PHIP: variants seen among roughly 807,000 people sequenced by gnomAD.
PHIP encodes the protein PH-interacting protein.
In PHIP, 54 loss-of-function variants were observed where a neutral mutation model predicts 236.8. That is an observed-to-expected ratio of 0.23 (90% CI 0.18 to 0.29). The LOEUF is 0.29. Ranked by LOEUF, PHIP falls within the 10% of genes least tolerant of loss-of-function variation. PHIP has a pLI of 1.00. For missense variants in PHIP, 1,370 were observed against 2,190.8 expected (o/e 0.63, Z 7.48); for synonymous variants, 756 against 718.9 (o/e 1.05, Z -0.83).
chr6:78,950,759 C>G lies in PHIP; in HGVS notation c.4054-2984G>C, dbSNP rs552645781. ...TAAGCTGTGTAAATCTTAACAGAGG[C>G]TTGTCAATTCTGTTGATCTTCTCAA... On this transcript the variant is annotated intron_variant, in intron 35 of 39. Transcript: ENST00000275034. Among the ~76,000 whole-genome samples the G allele has an allele frequency of 2.6e-5, 4 of 152,162 alleles. No individual in the cohort carries two copies. In the East Asian group the frequency reaches 7.7e-4, roughly 29 times the overall value.
intron 16 of PHIP, among the ~76,000 whole-genome samples, chr6:79,002,773 T>C (rs1342812324): frequency 6.6e-6 from 1 of 152,076 alleles, no homozygotes; most frequent in Non-Finnish European, 1.5e-5. Flanking sequence ...TCATAAATCA[T>C]TCAACAGTAT....
intron 3 of PHIP, 54 bp from the exon 4 acceptor site, chr6:79,077,561 C>A (rs1774237767): frequency 1.9e-6 from 2 of 1,063,568 alleles, no homozygotes; most frequent in Non-Finnish European, 2.4e-6. Flanking sequence ...CCCGCCCGCT[C>A]CCCTCCCCCG....
intron 4 of PHIP, among the ~76,000 whole-genome samples, chr6:79,069,529 C>T (rs2127779011): frequency 6.6e-6 from 1 of 152,196 alleles, no homozygotes; most frequent in South Asian, 2.1e-4. Context: ...AGCAGTTTGT[C>T]TGAGGGCACA....
chr6:79,022,528 C>G (rs1771170141), intron 9 of PHIP, among the ~76,000 whole-genome samples: 1 of 152,126 alleles, frequency 6.6e-6, no homozygotes, highest in Non-Finnish European at 1.5e-5. Context: ...CTGTACCTTT[C>G]TCAAAGGGTT....
At chr6:78,989,056 C>A (rs1411611420) in intron 20 of PHIP, among the ~76,000 whole-genome samples, 1 of 151,546 alleles carries the variant, frequency 6.6e-6, no homozygotes, top group East Asian at 2.0e-4. Context: ...GTGATGAAGA[C>A]AAACTCAATA....
chr6:78,952,597 T>C (rs1416698729), intron 35 of PHIP, among the ~76,000 whole-genome samples: 1 of 152,120 alleles, frequency 6.6e-6, no homozygotes, highest in East Asian at 1.9e-4. Context: ...CTTCACACTC[T>C]TAATCTCTTT....
In PHIP at chr6:78,982,893, T is replaced by G; in HGVS notation, c.2762A>C (p.Lys921Thr). The stretch of plus-strand genomic sequence containing the variant: ...TAATGTTAAAAACCAAACCTTTTGT[T>G]TTCTTTCTTTGGGCTTCTTTTTCTT... ...SPKKKKPKER[K>T]QKRLAVGELT... Residue 921 changes from lysine to threonine, a missense_variant, in exon 23 of 40, where the codon AAA (lysine) becomes ACA (threonine). Around this residue, in one of 14 missense-constraint regions of PHIP, gnomAD observed 76 missense variants for 76.4 expected, o/e 0.99. Coordinates refer to ENST00000275034, the MANE Select transcript of PHIP (RefSeq NM_017934.7). The G allele has an allele frequency of 6.4e-7, 1 of 1,555,852 alleles. No homozygotes were observed. The highest frequency in any genetic ancestry group is 8.6e-7 in the Non-Finnish European group (1 of 1,158,234).
At chr6:79,015,945 G>A (rs1770815099) in intron 13 of PHIP, among the ~76,000 whole-genome samples, 162 bp from the exon 14 acceptor site, 1 of 151,880 alleles carries the variant, frequency 6.6e-6, no homozygotes, top group Non-Finnish European at 1.5e-5. Context: ...AAAAATCCCT[G>A]CACTGAGTCA....
chr6:79,020,165 T>C (rs535858971), intron 9 of PHIP, among the ~76,000 whole-genome samples: 5 of 151,810 alleles, frequency 3.3e-5, no homozygotes. Flanking sequence ...GTTTTGCCTT[T>C]TTTTTAAAAA....
At chr6:78,995,453 C>T (rs1026564879) in intron 19 of PHIP, among the ~76,000 whole-genome samples, 1 of 152,176 alleles carries the variant, frequency 6.6e-6, no homozygotes, top group Non-Finnish European at 1.5e-5. Flanking sequence ...AACTGTTTCC[C>T]AAAATGGCTC....
At chr6:78,950,614 A>G (rs1265650100) in intron 35 of PHIP, among the ~76,000 whole-genome samples, 2 of 152,158 alleles carry the variant, frequency 1.3e-5, no homozygotes, top group East Asian at 1.9e-4. Context: ...TCAAATTTAT[A>G]TATGTAGAAT....
intron 19 of PHIP, among the ~76,000 whole-genome samples, chr6:78,996,237 A>C (rs1769608819): frequency 6.6e-6 from 1 of 152,158 alleles, no homozygotes; most frequent in African/African-American, 2.4e-5. Context: ...CTGCATCTTA[A>C]AGAAGCAAAC....
At chr6:78,946,690 T>C in intron 37 of PHIP, 21 bp downstream of exon 37, 1 of 1,529,322 alleles carries the variant, frequency 6.5e-7, no homozygotes. Flanking sequence ...CAGCTAGTGG[T>C]ATTTAAAAGA....
intron 35 of PHIP, among the ~76,000 whole-genome samples, chr6:78,949,046 C>T (rs1287433709): frequency 6.6e-6 from 1 of 152,106 alleles, no homozygotes; most frequent in Non-Finnish European, 1.5e-5. Context: ...TGAGAGTGAA[C>T]ATTTTTCAGT....
At chr6:78,981,934 G>A (rs1768564893) in intron 23 of PHIP, among the ~76,000 whole-genome samples, 1 of 151,974 alleles carries the variant, frequency 6.6e-6, no homozygotes, top group Non-Finnish European at 1.5e-5. Flanking sequence ...CCAAATTAAA[G>A]TAACTCATAA....
At chr6:78,991,176 A>C (rs138762777) in intron 19 of PHIP, among the ~76,000 whole-genome samples, 191 bp from the exon 20 acceptor site, 5 of 152,322 alleles carry the variant, frequency 3.3e-5, no homozygotes, top group African/African-American at 1.2e-4. Flanking sequence ...TGACTGAAAT[A>C]ATGGAAAGAC....
chr6:78,984,647 T>C (rs1244996782), intron 22 of PHIP, among the ~76,000 whole-genome samples: 1 of 152,176 alleles, frequency 6.6e-6, no homozygotes, highest in Non-Finnish European at 1.5e-5. Flanking sequence ...AACTACTAGA[T>C]ATAACCACAC....
intron 4 of PHIP, among the ~76,000 whole-genome samples, chr6:79,067,000 G>A (rs542768121): frequency 5.9e-5 from 9 of 152,130 alleles, no homozygotes; most frequent in African/African-American, 1.2e-4. Flanking sequence ...ACGATCCTCC[G>A]ACCTCAGCCT....
At chr6:79,008,837 A>G (rs1226275702) in intron 15 of PHIP, among the ~76,000 whole-genome samples, 1 of 152,140 alleles carries the variant, frequency 6.6e-6, no homozygotes, top group African/African-American at 2.4e-5. Context: ...TAAAGAAGTC[A>G]GTTCTCCCTT....
Sources: allele counts gnomAD v4.1 joint callset (sites outside exome capture counted in the v4.1 genomes callset), GRCh38; gene constraint gnomAD v4.1.1; regional missense constraint gnomAD v4.1.1; transcripts MANE v1.5; gene names NCBI Gene and HGNC (gene_info 2026-07-23, HGNC 2026-07-21).